Variants in KCNMB2 observed in about 807,000 individuals in gnomAD.
KCNMB2 encodes potassium calcium-activated channel subfamily M regulatory beta subunit 2.
Under a neutral mutation model 24.5 loss-of-function variants are expected in KCNMB2, and 9 were observed. The ratio of observed to expected loss-of-function variants is 0.37; its 90% CI spans 0.22 to 0.64. The LOEUF is 0.64. Ranked by LOEUF, KCNMB2 falls within the 30% of genes least tolerant of loss-of-function variation. KCNMB2 has a pLI of 0.63. For missense variants in KCNMB2, 226 were observed against 284.3 expected (o/e 0.79, Z 1.47); for synonymous variants, 109 against 104.4 (o/e 1.04, Z -0.27).
At chr3:178,556,656 C>T (rs138460549) in intron 1 of KCNMB2, among the ~76,000 whole-genome samples, 16 of 152,150 alleles carry the variant, frequency 1.1e-4, no homozygotes, top group South Asian at 4.1e-4. Context: ...CCACCCACCT[C>T]GGCCTCCCAA....
At chr3:178,609,483 T>C (rs531465215) in intron 1 of KCNMB2, among the ~76,000 whole-genome samples, 1 of 152,248 alleles carries the variant, frequency 6.6e-6, no homozygotes, top group East Asian at 1.9e-4. Context: ...TTTAATTTGA[T>C]GTGATCCGAT....
Position 178,843,343 on chromosome 3 carries a change from C to CA in KCNMB2, c.*411dup. 1 of 362,550 alleles carries CA rather than the reference C, an allele frequency of 2.8e-6. No homozygotes were observed. The highest frequency in any genetic ancestry group is 3.8e-5 in the Admixed American group (1 of 26,332). The allele number at this position is 362,550 out of a possible 1,614,324, so 22.5% of individuals were successfully genotyped here. ...ACTTATTGTTTACTAAAGCTACAGC[C>CA]AAAAATATTTTTTTTTCTTATTCTA... On this transcript the variant is annotated 3_prime_UTR_variant, in exon 5 of 5. Transcript: ENST00000452583.
At chr3:178,689,747 C>T (rs775033685) in intron 1 of KCNMB2, among the ~76,000 whole-genome samples, 3 of 152,164 alleles carry the variant, frequency 2.0e-5, no homozygotes, top group African/African-American at 4.8e-5. Flanking sequence ...AAAACATAGA[C>T]CTTGCATGGA....
intron 1 of KCNMB2, among the ~76,000 whole-genome samples, chr3:178,595,340 A>T (rs1046318287): frequency 1.3e-5 from 2 of 152,086 alleles, no homozygotes; most frequent in Non-Finnish European, 2.9e-5. Flanking sequence ...ATGGGTCATC[A>T]TGGTTTGAAT....
chr3:178,726,443 T>C (rs989728639), intron 1 of KCNMB2, among the ~76,000 whole-genome samples: 8 of 152,200 alleles, frequency 5.3e-5, no homozygotes, highest in Middle Eastern at 3.4e-3. Context: ...TTTTCTTTAC[T>C]GATTCTTTTA....
At chr3:178,565,661 T>G (rs2108469598) in intron 1 of KCNMB2, among the ~76,000 whole-genome samples, 1 of 152,328 alleles carries the variant, frequency 6.6e-6, no homozygotes, top group Middle Eastern at 3.4e-3. Flanking sequence ...CCAGAAGACA[T>G]GGCTAGGTAC....
At chr3:178,586,538 C>CTTTTTTTTTTTTTTTTTTTTTTTTTT (rs10677144) in intron 1 of KCNMB2, among the ~76,000 whole-genome samples, 4 of 68,496 alleles carry the variant, frequency 5.8e-5, no homozygotes, top group African/African-American at 1.7e-4. Flanking sequence ...TTTTTTCTTT[C>CTTTTTTTTTTTTTTTTTTTTTTTTTT]TTTTTTTTTT....
At chr3:178,565,168 T>C (rs1716474468) in intron 1 of KCNMB2, among the ~76,000 whole-genome samples, 1 of 152,158 alleles carries the variant, frequency 6.6e-6, no homozygotes, top group Non-Finnish European at 1.5e-5. Flanking sequence ...AGTAGTTACA[T>C]CTAGAGAATG....
At chr3:178,765,312 A>T (rs1712068888) in intron 1 of KCNMB2, among the ~76,000 whole-genome samples, 12 of 152,198 alleles carry the variant, frequency 7.9e-5, no homozygotes, top group Admixed American at 7.9e-4. Flanking sequence ...TCACTGGCCA[A>T]CTAGTATAGA....
chr3:178,735,571 A>G (rs943104198), intron 1 of KCNMB2, among the ~76,000 whole-genome samples: 3 of 152,200 alleles, frequency 2.0e-5, no homozygotes, highest in African/African-American at 7.2e-5. Context: ...TCACTGTGCC[A>G]TGACTTTTTC....
rs199893012 is a variant in KCNMB2, at chr3:178,782,628, T to C, written c.-67-24715T>C. Among the ~76,000 whole-genome samples, 1,295 of 147,948 alleles carry C rather than the reference T, an allele frequency of 8.8e-3. 53 individuals are homozygous for C. In the East Asian group the frequency reaches 0.12, roughly 14 times the overall value. On this transcript the variant is annotated intron_variant, in intron 1 of 4. Transcript: ENST00000452583. Reference sequence around the variant, plus strand: ...CTGTTCATGTCCTTTGCCCACTTTTTGATGGGGTTGTTTGTTTTTTTCTTG... The same window carrying C: ...CTGTTCATGTCCTTTGCCCACTTTTCGATGGGGTTGTTTGTTTTTTTCTTG...
In KCNMB2 at chr3:178,744,721, A is replaced by G. The variant is rs569605545; in HGVS notation, c.-67-62622A>G. On this transcript the variant is annotated intron_variant, in intron 1 of 4. Transcript: ENST00000452583. ...CATAGGATCTTGTGGGATCCGAAAA[A>G]AAAAAAGGATTAGGCATGGCCAGGC... is the stretch of plus-strand genomic sequence containing the variant. Among the ~76,000 whole-genome samples the G allele has an allele frequency of 2.5e-4, 38 of 151,772 alleles. No homozygotes were observed. The South Asian group carries it at 7.5e-3, about 30-fold the overall frequency.
chr3:178,772,569 C>T lies in KCNMB2; in HGVS notation c.-67-34774C>T, dbSNP rs148959221. On this transcript the variant is annotated intron_variant, in intron 1 of 4. Coordinates refer to ENST00000452583, the MANE Select transcript of KCNMB2 (RefSeq NM_181361.3). ...GTGAGGCTTTCCCAGCCACGTAGAA[C>T]TGTAAGTCCAATAAATCTCTTACTT... Among the ~76,000 whole-genome samples, 505 of 152,312 alleles carry T rather than the reference C, an allele frequency of 3.3e-3. 8 individuals carry two copies. Among genetic ancestry groups the T allele is most frequent in the East Asian group, 9.3e-3 (48 of 5,186 alleles).
At chr3:178,695,040 G>A (rs1191601351) in intron 1 of KCNMB2, among the ~76,000 whole-genome samples, 3 of 152,236 alleles carry the variant, frequency 2.0e-5, no homozygotes, top group Non-Finnish European at 1.5e-5. Context: ...GGGCATCCAG[G>A]CATTTCTATA....
In KCNMB2 at chr3:178,843,459, G is replaced by C. The variant is rs1202548053; in HGVS notation, c.*522G>C. On this transcript the variant is annotated 3_prime_UTR_variant, in exon 5 of 5. Coordinates refer to ENST00000452583, the MANE Select transcript of KCNMB2 (RefSeq NM_181361.3). Reference sequence around the variant, plus strand: ...GTATTTTTTACCATATCACTGTAAAGAAGAGGGGAAACCCAGCCAGCTACT... The same window carrying C: ...GTATTTTTTACCATATCACTGTAAACAAGAGGGGAAACCCAGCCAGCTACT... The C allele has an allele frequency of 1.1e-5, 2 of 177,222 alleles. No homozygotes were observed. Among genetic ancestry groups the C allele is most frequent in the Admixed American group, 6.1e-5 (1 of 16,522 alleles). The allele number at this position is 177,222 out of a possible 1,614,324, so 11.0% of individuals were successfully genotyped here. A position where few individuals can be genotyped will look rare whatever the true frequency, so the allele number is the denominator to read the frequency against.
chr3:178,587,466 C>T (rs2108495704), intron 1 of KCNMB2, among the ~76,000 whole-genome samples: 1 of 152,270 alleles, frequency 6.6e-6, no homozygotes, highest in Admixed American at 6.5e-5. Flanking sequence ...TCTTGTTGCC[C>T]AGGCTGGAGT....
At chr3:178,560,454 C>T (rs1716276070) in intron 1 of KCNMB2, among the ~76,000 whole-genome samples, 2 of 152,176 alleles carry the variant, frequency 1.3e-5, no homozygotes, top group Non-Finnish European at 2.9e-5. Flanking sequence ...CCCACTGAAG[C>T]GATTGCTATT....
At chr3:178,774,257 C>T (rs566273789) in intron 1 of KCNMB2, among the ~76,000 whole-genome samples, 6 of 152,250 alleles carry the variant, frequency 3.9e-5, no homozygotes, top group African/African-American at 1.4e-4. Context: ...CTACCAGTTA[C>T]AGTCCTACCT....
At chr3:178,739,597 A>G (rs74385196) in intron 1 of KCNMB2, among the ~76,000 whole-genome samples, 4,587 of 152,304 alleles carry the variant, frequency 0.03, 115 homozygotes, top group Middle Eastern at 0.054. Context: ...TTCAAGAGTG[A>G]TTGTTGAATA....
Sources: gnomAD v4.1 joint callset for allele counts (sites outside exome capture counted in the v4.1 genomes callset) on GRCh38, gnomAD v4.1.1 for gene constraint, MANE v1.5 for transcripts, NCBI Gene and HGNC (gene_info 2026-07-23, HGNC 2026-07-21) for gene names.